KRT76: variants seen among roughly 807,000 people sequenced by gnomAD.
KRT76 encodes the protein keratin, type II cytoskeletal 2 oral.
KRT76 carries 47 observed loss-of-function variants against 44.9 expected under a neutral mutation model. The ratio of observed to expected loss-of-function variants is 1.05; its 90% CI spans 0.83 to 1.33. The LOEUF (loss-of-function observed/expected upper bound fraction) is 1.33. Among genes scored for constraint, KRT76 ranks in the 40% most tolerant of loss-of-function variants. The probability of loss-of-function intolerance (pLI) is 0.00; values close to 1 mark genes in which losing one functional copy is unlikely to be tolerated. For missense variants in KRT76, 860 were observed against 775.8 expected, an observed-to-expected ratio of 1.11 and a Z score of -1.29; for synonymous variants, 331 against 294.1, an observed-to-expected ratio of 1.13 and a Z score of -1.28.
Position 52,772,231 on chromosome 12 carries a change from T to A in KRT76, c.1000A>T (p.Ser334Cys). 1 of 1,607,176 alleles carries A rather than the reference T, an allele frequency of 6.2e-7. No homozygotes were observed. Among genetic ancestry groups the A allele is most frequent in the Non-Finnish European group, 8.5e-7 (1 of 1,176,560 alleles). The change falls in exon 5 of 9, where the codon AGT becomes TGT. Residue 334 changes from serine to cysteine, a missense_variant. By Grantham distance (112) the Ser-to-Cys change is moderately radical. Transcript: ENST00000332411. The part of the protein sequence containing the change: ...MELSQMQSHA[S>C]DTSVVLSMDN... ...ATGGACAGAACCACAGACGTGTCACTGGCATGGCTTTGCATCTGGGACAGC... is the reference window on the plus strand; with the variant it reads ...ATGGACAGAACCACAGACGTGTCACAGGCATGGCTTTGCATCTGGGACAGC...
At chr12:52,772,951 T>C in intron 3 of KRT76, 73 bp from the exon 4 acceptor site, 1 of 1,011,880 alleles carries the variant, frequency 9.9e-7, no homozygotes, top group Non-Finnish European at 1.6e-6. Flanking sequence ...TCCTAAGCCC[T>C]CATGTCTCGT....
intron 2 of KRT76, among the ~76,000 whole-genome samples, chr12:52,774,773 GT>G (rs1939234689): frequency 6.6e-6 from 1 of 151,940 alleles, no homozygotes; most frequent in Admixed American, 6.5e-5. Context: ...GCCCGTCCCT[GT>G]GGGTTCTGAT....
At chr12:52,769,455 G>C in intron 8 of KRT76, 94 bp downstream of exon 8, 1 of 1,077,160 alleles carries the variant, frequency 9.3e-7, no homozygotes, top group East Asian at 2.4e-5. Flanking sequence ...TCCTTGGATG[G>C]AACAGGCCTT....
Position 52,777,087 on chromosome 12 carries a change from T to C in KRT76, c.205A>G (p.Ile69Val), listed in dbSNP as rs1421875434. Residue 69 changes from isoleucine to valine, a missense_variant, in exon 1 of 9, where the codon ATC becomes GTC. Coordinates refer to ENST00000332411, the MANE Select transcript of KRT76 (RefSeq NM_015848.4). ...YNLGSNKSIS[I>V]SVAAGSSRAG... ...CGGGAGCTGCCAGCTGCCACGCTGA[T>C]GGAGATGCTCTTGTTGCTGCCCAGG... 34 of 1,614,068 alleles carry C rather than the reference T, an allele frequency of 2.1e-5. No homozygotes were observed. The highest frequency in any genetic ancestry group is 2.7e-5 in the Non-Finnish European group (32 of 1,180,044).
chr12:52,773,530 G>C, intron 3 of KRT76, 52 bp downstream of exon 3: 1 of 1,410,268 alleles, frequency 7.1e-7, no homozygotes, highest in Non-Finnish European at 1.0e-6. Context: ...CTCTCTCCAT[G>C]GGGGCAGCTC....
chr12:52,770,460 G>C (rs1441420482), intron 7 of KRT76, among the ~76,000 whole-genome samples: 1 of 152,198 alleles, frequency 6.6e-6, no homozygotes, highest in African/African-American at 2.4e-5. Flanking sequence ...CAAGAGCATG[G>C]ATGTATCAAC....
rs190362337 is a variant in KRT76, at chr12:52,768,178, G to C, written c.*535C>G. ...TGTGAAGTTCAGTGCAATTTATTGA[G>C]AAAAGAAAGTGCAACATACTCATCA... On this transcript the variant is annotated 3_prime_UTR_variant, in exon 9 of 9. Transcript: ENST00000332411. The C allele has an allele frequency of 6.5e-6, 1 of 153,294 alleles. No homozygotes were observed. Among genetic ancestry groups the C allele is most frequent in the Non-Finnish European group, 1.5e-5 (1 of 68,454 alleles). The allele number at this position is 153,294 out of a possible 1,614,324, so 9.5% of individuals were successfully genotyped here.
chr12:52,769,690 G>A, intron 7 of KRT76, 107 bp from the exon 8 acceptor site: 2 of 886,156 alleles, frequency 2.3e-6, no homozygotes, highest in Non-Finnish European at 3.8e-6. Context: ...CCCACTAGGG[G>A]TCAAGCTCCT....
Position 52,776,720 on chromosome 12 carries a change from T to C in KRT76, c.572A>G (p.Asn191Ser). 1 of 1,614,178 alleles carries C rather than the reference T, an allele frequency of 6.2e-7. No homozygotes were observed. Residue 191 changes from asparagine to serine, a missense_variant, in exon 1 of 9, where the codon AAC becomes AGC. Coordinates refer to ENST00000332411, the MANE Select transcript of KRT76 (RefSeq NM_015848.4). ...AQEREQIKTL[N>S]NKFASFIDKV... The stretch of plus-strand genomic sequence containing the variant: ...GTCGATGAAGGAGGCAAACTTGTTG[T>C]TGAGGGTCTTGATCTGTTCCCGCTC...
At chr12:52,775,701 C>A in intron 1 of KRT76, 99 bp from the exon 2 acceptor site, 1 of 860,638 alleles carries the variant, frequency 1.2e-6, no homozygotes, top group Admixed American at 2.5e-5. Context: ...CCCAGTTCTT[C>A]AATCTACAAT....
rs150732948 is a variant in KRT76 at position 52,773,612 on chromosome 12, G to A, written c.846C>T (p.Ala282=). 2.4e-5 allele frequency: 38 copies of A among 1,613,168 alleles called. No individual in the cohort carries two copies. Among genetic ancestry groups the A allele is most frequent in the African/African-American group, 8.0e-5 (6 of 74,876 alleles). ...TGAGCCCCACAAACTCATTCTCTGCGGCAGTGCGTTTGTTGATTTCATCTT... is the reference window on the plus strand; with the variant it reads ...TGAGCCCCACAAACTCATTCTCTGCAGCAGTGCGTTTGTTGATTTCATCTT... ...KYEDEINKRT[A]AENEFVGLKK... Residue 282 remains alanine (A), a synonymous_variant, in exon 3 of 9, where the codon GCC becomes GCT. Transcript: ENST00000332411.
chr12:52,770,409 T>C (rs987779604), intron 7 of KRT76, among the ~76,000 whole-genome samples: 1 of 152,192 alleles, frequency 6.6e-6, no homozygotes, highest in African/African-American at 2.4e-5. Flanking sequence ...TGATAAACAC[T>C]TGCTAAGACT....
Position 52,769,025 on chromosome 12 carries a change from AC to A in KRT76, c.1604del (p.Gly535ValfsTer59). The stretch of plus-strand genomic sequence containing the variant: ...TGCTGCTGCTGCCGCCTTTGTAGCC[AC>A]CACTGCCACTGCCACTGACCCCTCC... ...VFGGVSGSGS[G>X]GYKGGSSSSS... On this transcript the variant is annotated frameshift_variant, in exon 9 of 9. Transcript: ENST00000332411. LOFTEE classifies it low-confidence loss of function (END_TRUNC). The A allele has an allele frequency of 1.2e-6, 1 of 801,396 alleles. No homozygotes were observed. Among genetic ancestry groups the A allele is most frequent in the Non-Finnish European group, 2.2e-6 (1 of 461,198 alleles). The allele number at this position is 801,396 out of a possible 1,614,324, so 49.6% of individuals were successfully genotyped here. A position where few individuals can be genotyped will look rare whatever the true frequency, so the allele number is the denominator to read the frequency against.
intron 2 of KRT76, among the ~76,000 whole-genome samples, chr12:52,774,204 A>G (rs1397718425): frequency 2.6e-5 from 4 of 152,064 alleles, no homozygotes; most frequent in Non-Finnish European, 5.9e-5. Flanking sequence ...CTGTCCAGAG[A>G]CCTCTCAGAG....
intron 2 of KRT76, 132 bp downstream of exon 2, chr12:52,775,256 C>G: frequency 1.2e-6 from 1 of 805,240 alleles, no homozygotes; most frequent in East Asian, 2.4e-5. Flanking sequence ...TCTGCTTTGT[C>G]ATGTTTCACT....
In KRT76 at chr12:52,771,188, G is replaced by A; in HGVS notation, c.1295C>T (p.Ala432Val). 6.2e-7 allele frequency: 1 copy of A among 1,614,166 alleles called. No individual in the cohort carries two copies. Among genetic ancestry groups the A allele is most frequent in the African/African-American group, 1.3e-5 (1 of 75,024 alleles). Residue 432 changes from alanine (A) to valine (V), a missense_variant, in exon 7 of 9, where the codon GCT becomes GTT. Physicochemically the swap from Ala to Val is moderately conservative, Grantham distance 64. Coordinates refer to ENST00000332411, the MANE Select transcript of KRT76 (RefSeq NM_015848.4). ...NANLQTAIAEAEQRGEMALKD... is the reference protein window; with the variant it reads ...NANLQTAIAEVEQRGEMALKD... ...GAGGGCCATCTCTCCACGCTGCTCA[G>A]CCTCTGCAATTGCCGTCTGCAGGTT...
intron 2 of KRT76, among the ~76,000 whole-genome samples, chr12:52,774,585 TCTCTAGGCAGGAC>T (rs1939232237): frequency 6.6e-6 from 1 of 152,072 alleles, no homozygotes; most frequent in Non-Finnish European, 1.5e-5. Context: ...AGAAAAGAGG[TCTCTAGGCAGGAC>T]CTCTTTTTTT....
At chr12:52,769,829 T>A (rs1417340747) in intron 7 of KRT76, among the ~76,000 whole-genome samples, 2 of 152,200 alleles carry the variant, frequency 1.3e-5, no homozygotes, top group South Asian at 4.1e-4. Flanking sequence ...CTAGGCAAAC[T>A]ACTTGATGCC....
rs1433805856 is a variant in KRT76, at chr12:52,768,904, A to G, written c.1726T>C (p.Tyr576His). Residue 576 changes from tyrosine to histidine, a missense_variant, in exon 9 of 9, where the codon TAC (tyrosine) becomes CAC (histidine). Physicochemically the swap from Tyr to His is moderately conservative, Grantham distance 83. Transcript: ENST00000332411. The stretch of plus-strand genomic sequence containing the variant: ...CTGCTCCCACTACTGCTGCTCTGGT[A>G]GCTCCCGCTGCTACCCCTGCCCCCA... ...STGGRGSSGS[Y>H]QSSSSGSRLG... The G allele has an allele frequency of 6.2e-6, 10 of 1,609,700 alleles. No individual in the cohort carries two copies. The highest frequency in any genetic ancestry group is 8.5e-6 in the Non-Finnish European group (10 of 1,177,010).
Sources: allele counts gnomAD v4.1 joint callset (sites outside exome capture counted in the v4.1 genomes callset), GRCh38; gene constraint gnomAD v4.1.1; transcripts MANE v1.5; gene names NCBI Gene and HGNC (gene_info 2026-07-23, HGNC 2026-07-21).